Variants in TG observed in about 807,000 individuals in gnomAD.
The protein encoded by TG is thyroglobulin.
In TG, 270 loss-of-function variants were observed where a neutral mutation model predicts 324.7. The observed-to-expected ratio is 0.83, with a 90% CI of 0.75 to 0.92. TG has a LOEUF of 0.92. Ranked by LOEUF, TG falls within the 40% of genes least tolerant of loss-of-function variation. TG has a pLI of 0.00. For synonymous variants in TG, 1,401 were observed against 1,327.0 expected, an observed-to-expected ratio of 1.06 and a Z score of -1.21; for missense variants, 3,591 against 3,456.4, an observed-to-expected ratio of 1.04 and a Z score of -0.98.
chr8:133,001,223 T>TG (rs1040189116), intron 35 of TG, among the ~76,000 whole-genome samples: 6 of 141,694 alleles, frequency 4.2e-5, no homozygotes, highest in Admixed American at 7.0e-5. Context: ...GTGTGAATTT[T>TG]GGGGGGGACA....
At chr8:133,071,118 G>T (rs1016495286) in intron 41 of TG, among the ~76,000 whole-genome samples, 1 of 152,134 alleles carries the variant, frequency 6.6e-6, no homozygotes, top group Non-Finnish European at 1.5e-5. Flanking sequence ...GATTGGTGCC[G>T]TCCCTTGATG....
At chr8:133,055,363 G>GCACA (rs1219639810) in intron 41 of TG, among the ~76,000 whole-genome samples, 1,242 of 31,916 alleles carry the variant, frequency 0.039, 16 homozygotes, top group East Asian at 0.14. Flanking sequence ...ACACGCACGC[G>GCACA]CGCACACACA....
chr8:133,071,144 C>T (rs530576062), intron 41 of TG, among the ~76,000 whole-genome samples: 9 of 152,314 alleles, frequency 5.9e-5, no homozygotes, highest in African/African-American at 1.7e-4. Flanking sequence ...TCGTGTACAA[C>T]AACAGGAGAG....
chr8:133,067,850 GAGAGAA>G (rs1196826303), intron 41 of TG, among the ~76,000 whole-genome samples: 7 of 116,954 alleles, frequency 6.0e-5, no homozygotes, highest in East Asian at 2.8e-4. Flanking sequence ...GACAGAGAGA[GAGAGAA>G]AGAAAGAAAG....
intron 41 of TG, among the ~76,000 whole-genome samples, chr8:133,081,940 A>G (rs114791768): frequency 0.018 from 2,686 of 152,316 alleles, 79 homozygotes; most frequent in African/African-American, 0.061. Context: ...GCAGAGGAGG[A>G]AACAGGCATC....
chr8:133,096,760 C>G (rs765714957), intron 43 of TG, among the ~76,000 whole-genome samples: 1 of 152,190 alleles, frequency 6.6e-6, no homozygotes, highest in Non-Finnish European at 1.5e-5. Flanking sequence ...GTTAAATCAT[C>G]ACCCTTTCCC....
intron 41 of TG, chr8:133,090,163 G>A (rs1353393631): frequency 1.3e-5 from 2 of 152,222 alleles, no homozygotes; most frequent in Admixed American, 6.5e-5. Context: ...TAACTCTCAG[G>A]TAATATTTGG....
intron 41 of TG, chr8:133,037,340 G>C (rs1286087653): frequency 6.6e-6 from 1 of 152,140 alleles, no homozygotes; most frequent in African/African-American, 2.4e-5. Context: ...CATCTTTCCT[G>C]GAGCTGAGCA....
At chr8:133,104,878 T>G (rs1464852178) in intron 43 of TG, among the ~76,000 whole-genome samples, 7 of 152,208 alleles carry the variant, frequency 4.6e-5, no homozygotes, top group Non-Finnish European at 7.3e-5. Context: ...CAGAGCACTT[T>G]GCTCATTCAC....
At position 132,897,776 on chromosome 8, in the gene TG, C is replaced by T. The variant is rs112300885; in HGVS notation, c.3129C>T (p.His1043=). ...GAAGTTGGGAGCCTGTGCAGTGCCA[C>T]GCTGGGACTGGTAAGGAGGGATAGG... ...AFGSWEPVQC[H]AGTGHCWCVD... The change falls in exon 12 of 48, where the codon CAC becomes CAT. Residue 1043 remains histidine, a synonymous_variant. Coordinates refer to ENST00000220616, the MANE Select transcript of TG (RefSeq NM_003235.5). The T allele has an allele frequency of 3.8e-3, 6,164 of 1,614,170 alleles. 13 individuals are homozygous for T. Among genetic ancestry groups the T allele is most frequent in the Non-Finnish European group, 4.8e-3 (5,705 of 1,180,020 alleles).
chr8:133,007,125 A>G (rs1056798202), intron 35 of TG, among the ~76,000 whole-genome samples: 2 of 152,164 alleles, frequency 1.3e-5, no homozygotes, highest in African/African-American at 2.4e-5. Flanking sequence ...AATTTAGTAA[A>G]GCAGGCAGAG....
In TG at chr8:133,030,040, C is replaced by T. The variant is rs1035384746; in HGVS notation, c.7239+17C>T. 1 of 1,614,128 alleles carries T rather than the reference C, an allele frequency of 6.2e-7. No homozygotes were observed. The highest frequency in any genetic ancestry group is 1.3e-5 in the African/African-American group (1 of 75,054). On this transcript the variant is annotated intron_variant, in intron 41 of 47. Coordinates refer to ENST00000220616, the MANE Select transcript of TG (RefSeq NM_003235.5). Reference sequence around the variant, plus strand: ...GTGCTGATGGTAAGTGGTGTGTGTTCTACCTTCAGTCTTACTGCAGATGCG... The same window carrying T: ...GTGCTGATGGTAAGTGGTGTGTGTTTTACCTTCAGTCTTACTGCAGATGCG...
In TG at chr8:132,957,768, C is replaced by CACACACACACACACACACACACACAG. The variant is rs1397741550; in HGVS notation, c.5402-3224_5402-3223insACACACACAGACACACACACACACAC. Among the ~76,000 whole-genome samples, 3 of 145,018 alleles carry CACACACACACACACACACACACACAG rather than the reference C, an allele frequency of 2.1e-5. No individual in the cohort carries two copies. The South Asian group carries it at 6.3e-4, about 31-fold the overall frequency. The stretch of plus-strand genomic sequence containing the variant: ...ACACACACACACACACACACACACA[C>CACACACACACACACACACACACACAG]ACACACACACACACACGTATGTATA... On this transcript the variant is annotated intron_variant, in intron 27 of 47. Transcript: ENST00000220616.
At chr8:132,944,531 G>T (rs912366246) in intron 26 of TG, among the ~76,000 whole-genome samples, 1 of 152,232 alleles carries the variant, frequency 6.6e-6, no homozygotes, top group African/African-American at 2.4e-5. Context: ...GCTCACTGTA[G>T]GTGCAGAGGA....
rs766509584 is a variant in TG at position 132,948,745 on chromosome 8, A to G, written c.5234-31A>G. 10 of 1,612,124 alleles carry G rather than the reference A, an allele frequency of 6.2e-6. No individual in the cohort carries two copies. The South Asian group carries it at 1.1e-4, about 18-fold the overall frequency. On this transcript the variant is annotated intron_variant, in intron 26 of 47. Transcript: ENST00000220616. ...GTCTCTAAAGGTCCCCCTCCATCAC[A>G]CTGACCTCTCCTACCTCTTGTGATT...
chr8:133,039,004 A>G (rs541434332), intron 41 of TG, among the ~76,000 whole-genome samples: 1 of 152,160 alleles, frequency 6.6e-6, no homozygotes, highest in Non-Finnish European at 1.5e-5. Context: ...TAGCCTCCTG[A>G]GTAGCTGGGA....
At chr8:133,109,891 C>T (rs1564200962) in intron 43 of TG, among the ~76,000 whole-genome samples, 1 of 152,178 alleles carries the variant, frequency 6.6e-6, no homozygotes, top group Non-Finnish European at 1.5e-5. Context: ...TTTTACTCCT[C>T]TGCAGCCCAG....
chr8:132,992,754 C>G (rs1294965489), intron 35 of TG, among the ~76,000 whole-genome samples: 1 of 152,214 alleles, frequency 6.6e-6, no homozygotes, highest in Admixed American at 6.5e-5. Context: ...CTCCTCTGCT[C>G]TGAGCCCCAG....
At chr8:133,086,015 T>C (rs1588046028) in intron 41 of TG, among the ~76,000 whole-genome samples, 1 of 152,240 alleles carries the variant, frequency 6.6e-6, no homozygotes, top group Admixed American at 6.5e-5. Flanking sequence ...ATGGTTTCTC[T>C]ATACAATTAA....
Sources: allele counts gnomAD v4.1 joint callset (sites outside exome capture counted in the v4.1 genomes callset), GRCh38; gene constraint gnomAD v4.1.1; transcripts MANE v1.5; gene names NCBI Gene and HGNC (gene_info 2026-07-23, HGNC 2026-07-21).